The following NSMCE1 variants were observed in gnomAD, a reference collection of about 807,000 sequenced individuals.
The protein encoded by NSMCE1 is non-structural maintenance of chromosomes element 1 homolog.
NSMCE1 carries 18 observed loss-of-function variants against 29.6 expected under a neutral mutation model. The ratio of observed to expected loss-of-function variants is 0.61; its 90% CI spans 0.42 to 0.90. The LOEUF (loss-of-function observed/expected upper bound fraction) is 0.90, where lower values mean the gene tolerates loss of function less well. Among genes scored for constraint, NSMCE1 ranks in the 40% least tolerant of loss-of-function variants. The pLI, the probability that NSMCE1 is intolerant of heterozygous loss-of-function variation, is 0.00. For synonymous variants in NSMCE1, 124 were observed against 133.4 expected (o/e 0.93, Z 0.49); for missense variants, 314 against 343.6 (o/e 0.91, Z 0.68).
chr16:27,244,186 GCTGCTGCCTGTT>G (rs991768653), intron 2 of NSMCE1, among the ~76,000 whole-genome samples: 3 of 152,212 alleles, frequency 2.0e-5, no homozygotes, highest in African/African-American at 4.8e-5. Flanking sequence ...TAAATAAGCA[GCTGCTGCCTGTT>G]CTGCTGCCTG....
intron 2 of NSMCE1, among the ~76,000 whole-genome samples, chr16:27,250,843 GTT>G (rs200523800): frequency 0.01 from 1,255 of 122,820 alleles, 11 homozygotes; most frequent in African/African-American, 0.034. Context: ...AATTTTAACT[GTT>G]TTTTTTTTTT....
intron 1 of NSMCE1, among the ~76,000 whole-genome samples, chr16:27,264,636 G>A (rs1333437321): frequency 1.3e-5 from 2 of 152,108 alleles, no homozygotes; most frequent in Non-Finnish European, 2.9e-5. Flanking sequence ...CATCAATTCT[G>A]AAGGGATAAG....
chr16:27,246,153 G>A (rs1295879425), intron 2 of NSMCE1, among the ~76,000 whole-genome samples: 3 of 152,136 alleles, frequency 2.0e-5, no homozygotes, highest in Non-Finnish European at 2.9e-5. Flanking sequence ...AAACCCCAAC[G>A]TGACCATGAT....
chr16:27,227,259 G>C (rs927526590), intron 5 of NSMCE1, among the ~76,000 whole-genome samples: 3 of 152,158 alleles, frequency 2.0e-5, no homozygotes, highest in Non-Finnish European at 4.4e-5. Flanking sequence ...CAGCATCCCT[G>C]GTGCCTCCCA....
At position 27,234,250 on chromosome 16, in the gene NSMCE1, T is replaced by C. The variant is rs775886216; in HGVS notation, c.274A>G (p.Thr92Ala). 1 of 1,612,698 alleles carries C rather than the reference T, an allele frequency of 6.2e-7. No individual in the cohort carries two copies. Among genetic ancestry groups the C allele is most frequent in the African/African-American group, 1.3e-5 (1 of 74,896 alleles). The change falls in exon 4 of 8, where the codon ACT becomes GCT. Residue 92 changes from threonine (T) to alanine (A), a missense_variant. Transcript: ENST00000361439. ...TCCGTAGCCATTTTGGAAATTGAAG[T>C]TGTAGCAAGATTCACCTAAGAAATA... The part of the protein sequence containing the change: ...PIYALVNLAT[T>A]SISKMATDFA...
chr16:27,245,900 C>T (rs1050660587), intron 2 of NSMCE1, among the ~76,000 whole-genome samples: 1 of 152,168 alleles, frequency 6.6e-6, no homozygotes, highest in African/African-American at 2.4e-5. Context: ...TTGGAGCCAG[C>T]TTCTAATTAT....
chr16:27,247,182 C>T (rs1439621619), intron 2 of NSMCE1, among the ~76,000 whole-genome samples: 5 of 152,190 alleles, frequency 3.3e-5, no homozygotes, highest in Admixed American at 3.3e-4. Context: ...ATAATCCAAA[C>T]ATGTCATGGG....
chr16:27,240,483 C>T (rs776918298), intron 2 of NSMCE1, among the ~76,000 whole-genome samples: 34 of 152,170 alleles, frequency 2.2e-4, no homozygotes, highest in Admixed American at 7.2e-4. Flanking sequence ...CCCACCCCAG[C>T]ATCCATCATC....
chr16:27,232,174 C>A lies in NSMCE1; in HGVS notation c.483+827G>T, dbSNP rs945612440. On this transcript the variant is annotated intron_variant, in intron 5 of 7. Transcript: ENST00000361439. This position sits in a 1 kb window ranked among gnomAD's most constrained non-coding sequence, Gnocchi z 4.5. Reference sequence around the variant, plus strand: ...CAGCAGCCTCTGGCCACGAGTCCGACCACCAAGTGAGGAAGCGGGGACCCG... The same window carrying A: ...CAGCAGCCTCTGGCCACGAGTCCGAACACCAAGTGAGGAAGCGGGGACCCG... Among the ~76,000 whole-genome samples the A allele has an allele frequency of 6.6e-6, 1 of 152,212 alleles. No individual in the cohort carries two copies. Among genetic ancestry groups the A allele is most frequent in the Non-Finnish European group, 1.5e-5 (1 of 68,038 alleles).
intron 2 of NSMCE1, among the ~76,000 whole-genome samples, chr16:27,251,197 TATATATATATAA>T (rs2084030674): frequency 1.8e-4 from 13 of 71,568 alleles, no homozygotes; most frequent in African/African-American, 1.0e-3. Flanking sequence ...TATAAATATA[TATATATATATAA>T]AACTCTGTAG....
Position 27,248,407 on chromosome 16 carries a change from T to C in NSMCE1, c.136+9028A>G, listed in dbSNP as rs905535214. ...GTAGCTCACTGCGGTTTTAGTTTGCTTTTTTTTTTTTTTTTTTTTTTTGAG... is the reference window on the plus strand; with the variant it reads ...GTAGCTCACTGCGGTTTTAGTTTGCCTTTTTTTTTTTTTTTTTTTTTTGAG... On this transcript the variant is annotated intron_variant, in intron 2 of 7. Coordinates refer to ENST00000361439, the MANE Select transcript of NSMCE1 (RefSeq NM_145080.4). 9.6e-5 allele frequency among the ~76,000 whole-genome samples: 6 copies of C among 62,682 alleles called. No individual in the cohort carries two copies. In the East Asian group the frequency reaches 1.9e-3, roughly 19 times the overall value. 41.1% of individuals were successfully genotyped at this position (62,682 alleles called of 152,430 possible). A position where few individuals can be genotyped will look rare whatever the true frequency, so the allele number is the denominator to read the frequency against.
At chr16:27,226,689 G>T (rs759616089) in intron 6 of NSMCE1, 31 bp downstream of exon 6, 13 of 1,434,804 alleles carry the variant, frequency 9.1e-6, no homozygotes, top group African/African-American at 1.4e-5. Context: ...AGGGCCCAGT[G>T]ATGAGCTCCC....
At chr16:27,257,869 T>C (rs1041392348) in intron 1 of NSMCE1, among the ~76,000 whole-genome samples, 2 of 152,192 alleles carry the variant, frequency 1.3e-5, no homozygotes, top group Non-Finnish European at 2.9e-5. Context: ...CTTTGGTTTC[T>C]GATCTGTAAA....
intron 2 of NSMCE1, among the ~76,000 whole-genome samples, chr16:27,238,212 G>C (rs548046846): frequency 6.6e-6 from 1 of 152,274 alleles, no homozygotes; most frequent in African/African-American, 2.4e-5. Context: ...GGGGCCCTGC[G>C]TGAGCCTCTC....
intron 1 of NSMCE1, among the ~76,000 whole-genome samples, chr16:27,266,810 T>C (rs1364206068): frequency 6.6e-6 from 1 of 152,104 alleles, no homozygotes; most frequent in Non-Finnish European, 1.5e-5. Context: ...TTTTTCTAAG[T>C]ATATGCCTTT....
chr16:27,262,262 T>C (rs1453631314), intron 1 of NSMCE1, among the ~76,000 whole-genome samples: 1 of 128,192 alleles, frequency 7.8e-6, no homozygotes, highest in Non-Finnish European at 1.7e-5. Flanking sequence ...AAAAAAAAAA[T>C]CACATGGAAC....
chr16:27,261,283 A>C (rs2084155270), intron 1 of NSMCE1, among the ~76,000 whole-genome samples: 1 of 151,958 alleles, frequency 6.6e-6, no homozygotes, highest in South Asian at 2.1e-4. Context: ...GCATATATCT[A>C]AGGTCAACAA....
chr16:27,242,950 G>A (rs901402582), intron 2 of NSMCE1, among the ~76,000 whole-genome samples: 1 of 152,208 alleles, frequency 6.6e-6, no homozygotes, highest in Non-Finnish European at 1.5e-5. Context: ...CCTGATCCCT[G>A]TTGGGTAAGT....
At chr16:27,255,241 TA>T (rs2084074486) in intron 2 of NSMCE1, among the ~76,000 whole-genome samples, 7 of 152,094 alleles carry the variant, frequency 4.6e-5, no homozygotes, top group Admixed American at 4.6e-4. Flanking sequence ...CCCCTTTCAA[TA>T]CAAAAGTCTC....
Sources: gnomAD v4.1 joint callset for allele counts (sites outside exome capture counted in the v4.1 genomes callset) on GRCh38, gnomAD v4.1.1 for gene constraint, Gnocchi (gnomAD v3.1) non-coding constraint, MANE v1.5 for transcripts, NCBI Gene and HGNC (gene_info 2026-07-23, HGNC 2026-07-21) for gene names.